OR7C1: variants seen among roughly 807,000 people sequenced by gnomAD.
The protein encoded by OR7C1 is olfactory receptor 7C1.
For synonymous variants in OR7C1, 152 were observed against 160.7 expected (o/e 0.95, Z 0.41); for missense variants, 324 against 383.3 (o/e 0.85, Z 1.29).
intron 1 of OR7C1, among the ~76,000 whole-genome samples, chr19:14,832,731 A>G (rs1038417892): frequency 1.3e-5 from 2 of 151,944 alleles, no homozygotes; most frequent in Non-Finnish European, 2.9e-5. Flanking sequence ...GGCTACCTTC[A>G]TATTTTCATA....
chr19:14,818,607 T>C (rs2044727465), intron 1 of OR7C1, among the ~76,000 whole-genome samples: 1 of 152,232 alleles, frequency 6.6e-6, no homozygotes, highest in Non-Finnish European at 1.5e-5. Flanking sequence ...TATAGCGAGT[T>C]TGCAGTGTTT....
chr19:14,810,504 C>T (rs545876995), intron 1 of OR7C1, among the ~76,000 whole-genome samples: 1,970 of 151,664 alleles, frequency 0.013, 34 homozygotes, highest in Non-Finnish European at 0.017. Context: ...CTCAGCCTCC[C>T]GAGTAGCTGG....
intron 2 of OR7C1, among the ~76,000 whole-genome samples, chr19:14,808,614 C>T (rs1345137688): frequency 6.9e-6 from 1 of 145,852 alleles, no homozygotes; most frequent in Non-Finnish European, 1.5e-5. Flanking sequence ...GCATTGGAGA[C>T]TCCAAAAAGT....
chr19:14,802,213 A>G (rs937878967), intron 2 of OR7C1, among the ~76,000 whole-genome samples: 10 of 152,310 alleles, frequency 6.6e-5, no homozygotes, highest in Non-Finnish European at 1.0e-4. Flanking sequence ...ATGTATGGCA[A>G]TGTTCTGTTT....
chr19:14,799,964 G>A (rs1568246490), exon 5 of OR7C1: 3 of 1,614,112 alleles, frequency 1.9e-6, no homozygotes, highest in East Asian at 4.5e-5. Context: ...GAAGTACATG[G>A]GGGTGTGGAG....
chr19:14,822,914 C>T (rs562080331), intron 1 of OR7C1, among the ~76,000 whole-genome samples: 89 of 151,756 alleles, frequency 5.9e-4, no homozygotes, highest in African/African-American at 2.1e-3. Flanking sequence ...GGGATATTAA[C>T]CCCTTATCAT....
chr19:14,819,233 C>T (rs969455226), intron 1 of OR7C1, among the ~76,000 whole-genome samples: 2 of 151,892 alleles, frequency 1.3e-5, no homozygotes, highest in African/African-American at 4.8e-5. Flanking sequence ...AAACATGTGC[C>T]ATGGTGGTTT....
chr19:14,813,943 A>G (rs758711580), intron 1 of OR7C1, among the ~76,000 whole-genome samples: 1 of 152,182 alleles, frequency 6.6e-6, no homozygotes, highest in Non-Finnish European at 1.5e-5. Flanking sequence ...AGTCTCTTTA[A>G]TAAATGCCAT....
At chr19:14,804,001 G>A (rs2044654878) in intron 2 of OR7C1, among the ~76,000 whole-genome samples, 1 of 152,104 alleles carries the variant, frequency 6.6e-6, no homozygotes, top group Admixed American at 6.5e-5. Context: ...GAACCACCGT[G>A]CCTGGCCTAA....
chr19:14,808,929 G>A (rs768392680), intron 2 of OR7C1, among the ~76,000 whole-genome samples: 2 of 151,824 alleles, frequency 1.3e-5, no homozygotes, highest in Non-Finnish European at 2.9e-5. Flanking sequence ...TATGCACCTC[G>A]TTGTATGCCC....
intron 1 of OR7C1, chr19:14,825,313 G>A (rs2044760169): frequency 6.6e-6 from 1 of 152,178 alleles, no homozygotes; most frequent in Non-Finnish European, 1.5e-5. Context: ...ATGGGAAAAT[G>A]TGGGTCAAAA....
At chr19:14,817,876 A>T (rs2044722754) in intron 1 of OR7C1, among the ~76,000 whole-genome samples, 1 of 152,100 alleles carries the variant, frequency 6.6e-6, no homozygotes, top group South Asian at 2.1e-4. Flanking sequence ...GGAGTTTTGC[A>T]GGTAAGAGAG....
intron 1 of OR7C1, among the ~76,000 whole-genome samples, chr19:14,812,467 G>T (rs1423073068): frequency 6.6e-6 from 1 of 152,106 alleles, no homozygotes; most frequent in East Asian, 1.9e-4. Flanking sequence ...GAAACTCCCT[G>T]CTCTGTTCTG....
At chr19:14,833,443 C>G (rs949564872) in intron 1 of OR7C1, among the ~76,000 whole-genome samples, 2 of 152,184 alleles carry the variant, frequency 1.3e-5, no homozygotes, top group South Asian at 4.1e-4. Flanking sequence ...CGCACCACTG[C>G]ATTCCATCCT....
At chr19:14,832,375 C>T (rs4808533) in intron 1 of OR7C1, among the ~76,000 whole-genome samples, 7 of 151,058 alleles carry the variant, frequency 4.6e-5, no homozygotes, top group Admixed American at 1.3e-4. Context: ...ATTTTTTTCC[C>T]TCCTTCCCTC....
intron 1 of OR7C1, chr19:14,825,821 C>T (rs909908576): frequency 6.6e-6 from 1 of 152,460 alleles, no homozygotes; most frequent in African/African-American, 2.4e-5. Context: ...AACGTAGACT[C>T]CCTATGAGAC....
At chr19:14,834,484 G>A (rs531800318) in intron 1 of OR7C1, among the ~76,000 whole-genome samples, 1 of 152,284 alleles carries the variant, frequency 6.6e-6, no homozygotes, top group African/African-American at 2.4e-5. Flanking sequence ...CCACGCAAGT[G>A]AGGAAATAAA....
chr19:14,799,606 A>C, exon 5 of OR7C1: 1 of 1,614,138 alleles, frequency 6.2e-7, no homozygotes, highest in Non-Finnish European at 8.5e-7. Flanking sequence ...GATCACAAAA[A>C]AAGTGTGGAA....
chr19:14,813,812 A>G (rs537623566), intron 1 of OR7C1, among the ~76,000 whole-genome samples: 3 of 152,096 alleles, frequency 2.0e-5, no homozygotes, highest in Admixed American at 2.0e-4. Context: ...CCCATGACCC[A>G]ATCACCTCCC....
Sources: gnomAD v4.1 joint callset for allele counts (sites outside exome capture counted in the v4.1 genomes callset) on GRCh38, gnomAD v4.1.1 for gene constraint, MANE v1.5 for transcripts, NCBI Gene and HGNC (gene_info 2026-07-23, HGNC 2026-07-21) for gene names.